PDE1C: variants seen among roughly 807,000 people sequenced by gnomAD.
The protein encoded by PDE1C is dual specificity calcium/calmodulin-dependent 3',5'-cyclic nucleotide phosphodiesterase 1C.
PDE1C carries 62 observed loss-of-function variants against 93.1 expected under a neutral mutation model. That is an observed-to-expected ratio of 0.67 (90% CI 0.54 to 0.82). The LOEUF is 0.82. Among genes scored for constraint, PDE1C ranks in the 40% least tolerant of loss-of-function variants. The pLI, the probability that PDE1C is intolerant of heterozygous loss-of-function variation, is 0.00. For synonymous variants in PDE1C, 325 were observed against 310.1 expected, an observed-to-expected ratio of 1.05 and a Z score of -0.50; for missense variants, 742 against 884.6, an observed-to-expected ratio of 0.84 and a Z score of 2.04.
chr7:32,187,818 T>G (rs1257502481), intron 2 of PDE1C, among the ~76,000 whole-genome samples: 1 of 152,178 alleles, frequency 6.6e-6, no homozygotes, highest in Non-Finnish European at 1.5e-5. Flanking sequence ...TTAATGGAAT[T>G]TTTATATTAT....
the PDE1C span, among the ~76,000 whole-genome samples, chr7:31,680,834 A>G: frequency 1.3e-5 from 2 of 152,176 alleles, no homozygotes; most frequent in African/African-American, 2.4e-5. Context: ...GCAAAAACTG[A>G]GTGAAAGGGC....
At chr7:32,225,342 GCA>G (rs34169470) in intron 1 of PDE1C, among the ~76,000 whole-genome samples, 55 of 150,874 alleles carry the variant, frequency 3.6e-4, no homozygotes, top group Non-Finnish European at 5.9e-4. Context: ...CATTCAACAT[GCA>G]CACACACACA....
chr7:32,054,911 G>C (rs533065979), intron 1 of PDE1C, among the ~76,000 whole-genome samples: 1 of 152,270 alleles, frequency 6.6e-6, no homozygotes, highest in East Asian at 1.9e-4. Context: ...GCCTGACTGA[G>C]CCCTACTCAT....
At chr7:31,917,595 T>C (rs985117461) in intron 2 of PDE1C, among the ~76,000 whole-genome samples, 4 of 151,974 alleles carry the variant, frequency 2.6e-5, no homozygotes, top group Non-Finnish European at 5.9e-5. Context: ...CTTTTTCTTA[T>C]AGCAACTGAA....
chr7:32,336,643 C>A (rs1443563395), intron 1 of PDE1C, among the ~76,000 whole-genome samples: 1 of 152,104 alleles, frequency 6.6e-6, no homozygotes, highest in Non-Finnish European at 1.5e-5. Flanking sequence ...GTTCCAAAAC[C>A]AGATGATCAA....
chr7:32,190,353 G>A (rs1804150987), intron 2 of PDE1C, among the ~76,000 whole-genome samples: 1 of 152,174 alleles, frequency 6.6e-6, no homozygotes, highest in African/African-American at 2.4e-5. Flanking sequence ...ACGGCCTAAT[G>A]CACACCATGG....
the PDE1C span, among the ~76,000 whole-genome samples, chr7:31,687,557 G>A: frequency 1.3e-5 from 2 of 152,212 alleles, no homozygotes; most frequent in African/African-American, 2.4e-5. Context: ...TGAAGTTGGT[G>A]TATCTGCATA....
At chr7:32,080,437 C>T (rs1796593798) in intron 3 of PDE1C, among the ~76,000 whole-genome samples, 1 of 152,168 alleles carries the variant, frequency 6.6e-6, no homozygotes, top group Admixed American at 6.5e-5. Context: ...AAGAGCAAAC[C>T]TCAGACATGG....
chr7:31,959,629 T>C (rs1002272117), intron 2 of PDE1C, among the ~76,000 whole-genome samples: 2 of 152,194 alleles, frequency 1.3e-5, no homozygotes, highest in Admixed American at 6.5e-5. Flanking sequence ...TTAATATTCA[T>C]ATTGTTTGAG....
At chr7:32,172,823 TAAA>T (rs70989638) in intron 2 of PDE1C, among the ~76,000 whole-genome samples, 6 of 104,452 alleles carry the variant, frequency 5.7e-5, no homozygotes, top group Non-Finnish European at 7.5e-5. Flanking sequence ...ACTCCATCTT[TAAA>T]AAAAAAAAAA....
chr7:31,769,178 C>T (rs1381162644), intron 17 of PDE1C, among the ~76,000 whole-genome samples: 3 of 152,160 alleles, frequency 2.0e-5, no homozygotes, highest in Non-Finnish European at 4.4e-5. Context: ...TGCCTTCACT[C>T]ATAAGCAATA....
intron 16 of PDE1C, among the ~76,000 whole-genome samples, chr7:31,797,126 T>C (rs1012267023): frequency 3.3e-5 from 5 of 151,738 alleles, no homozygotes; most frequent in African/African-American, 1.2e-4. Flanking sequence ...GTTAAGGAAA[T>C]GGGTCACAGG....
At chr7:32,272,362 C>T (rs1811026670) in intron 1 of PDE1C, among the ~76,000 whole-genome samples, 1 of 152,164 alleles carries the variant, frequency 6.6e-6, no homozygotes, top group South Asian at 2.1e-4. Context: ...AGATCATGTA[C>T]ATATATATCC....
chr7:31,734,352 C>T, the PDE1C span, among the ~76,000 whole-genome samples: 917 of 152,260 alleles, frequency 6.0e-3, 8 homozygotes, highest in African/African-American at 0.021. Context: ...CCTGCAAAAG[C>T]CACACAGAAT....
intron 1 of PDE1C, among the ~76,000 whole-genome samples, chr7:32,277,447 G>T (rs978556341): frequency 1.3e-5 from 2 of 152,132 alleles, no homozygotes; most frequent in Non-Finnish European, 2.9e-5. Flanking sequence ...GCCCAAAATG[G>T]TATAAAGCCA....
chr7:31,735,929 C>T, the PDE1C span, among the ~76,000 whole-genome samples: 1 of 152,180 alleles, frequency 6.6e-6, no homozygotes, highest in Non-Finnish European at 1.5e-5. Flanking sequence ...TGCATATAAC[C>T]TATGCACATC....
At position 32,376,583 on chromosome 7, in the gene PDE1C, C is replaced by A. The variant is rs1585132264; in HGVS notation, c.310+51239G>T. The stretch of plus-strand genomic sequence containing the variant: ...TCTCCCCTTAAGCTCGAGGCCATCT[C>A]TTTTCCATGGGGCATCCTCCATGGC... On this transcript the variant is annotated intron_variant, in intron 1 of 1. Coordinates refer to the PDE1C transcript ENST00000672256. Among the ~76,000 whole-genome samples the A allele has an allele frequency of 1.3e-5, 2 of 152,342 alleles. 1 individual carries two copies. Among genetic ancestry groups the A allele is most frequent in the Middle Eastern group, 6.8e-3 (2 of 294 alleles).
intron 1 of PDE1C, among the ~76,000 whole-genome samples, chr7:32,264,552 G>T (rs1164562860): frequency 6.6e-6 from 1 of 152,154 alleles, no homozygotes; most frequent in East Asian, 1.9e-4. Context: ...CCAAGTGTTA[G>T]GTCTATTCAT....
At chr7:32,274,224 T>C (rs956141676) in intron 1 of PDE1C, among the ~76,000 whole-genome samples, 8 of 151,768 alleles carry the variant, frequency 5.3e-5, no homozygotes, top group African/African-American at 1.9e-4. Flanking sequence ...TTTTTTTTTT[T>C]TGAGACGGGC....
Sources: allele counts gnomAD v4.1 joint callset (sites outside exome capture counted in the v4.1 genomes callset), GRCh38; gene constraint gnomAD v4.1.1; transcripts MANE v1.5; gene names NCBI Gene and HGNC (gene_info 2026-07-23, HGNC 2026-07-21).